ANO4: variants seen among roughly 807,000 people sequenced by gnomAD.
ANO4 encodes the protein anoctamin 4.
In ANO4, 69 loss-of-function variants were observed where a neutral mutation model predicts 141.9. The observed-to-expected ratio is 0.49, with a 90% CI of 0.40 to 0.59. The LOEUF (loss-of-function observed/expected upper bound fraction) is 0.59. Ranked by LOEUF, ANO4 falls within the 20% of genes least tolerant of loss-of-function variation. The pLI, the probability that ANO4 is intolerant of heterozygous loss-of-function variation, is 0.00. For missense variants in ANO4, 894 were observed against 1,162.2 expected (o/e 0.77, Z 3.36); for synonymous variants, 350 against 394.3 (o/e 0.89, Z 1.33).
intron 2 of ANO4, among the ~76,000 whole-genome samples, chr12:100,918,580 T>G (rs954008338): frequency 4.6e-5 from 7 of 152,284 alleles, no homozygotes; most frequent in African/African-American, 1.7e-4. Flanking sequence ...GCTGAAAAAT[T>G]CCTATCGCCT....
intron 1 of ANO4, among the ~76,000 whole-genome samples, chr12:100,717,890 T>C (rs1037857396): frequency 6.6e-6 from 1 of 152,136 alleles, no homozygotes; most frequent in East Asian, 1.9e-4. Context: ...AGTTGGGAGA[T>C]GTGCGTTCAG....
intron 2 of ANO4, among the ~76,000 whole-genome samples, chr12:100,917,419 A>G (rs1238511351): frequency 6.6e-6 from 1 of 152,212 alleles, no homozygotes; most frequent in Non-Finnish European, 1.5e-5. Context: ...ATCTGTGGCT[A>G]TGGCAAAGAA....
At position 100,770,781 on chromosome 12, in the gene ANO4, ATT is replaced by A. The variant is rs10652346; in HGVS notation, c.358+30695_358+30696del. Reference sequence around the variant, plus strand: ...CAGAGTGGAAGAGGCCTTGGCTTGAATTTTTTTTTTTTTTTTTTTTGCATTAC... The same window carrying A: ...CAGAGTGGAAGAGGCCTTGGCTTGAATTTTTTTTTTTTTTTTTTGCATTAC... On this transcript the variant is annotated intron_variant, in intron 3 of 29. Transcript: ENST00000644049. Among the ~76,000 whole-genome samples, 431 of 131,332 alleles carry A rather than the reference ATT, an allele frequency of 3.3e-3. 2 individuals carry two copies. Among genetic ancestry groups the A allele is most frequent in the African/African-American group, 0.011 (378 of 35,780 alleles). 86.2% of individuals were successfully genotyped at this position (131,332 alleles called of 152,430 possible). A position where few individuals can be genotyped will look rare whatever the true frequency, so the allele number is the denominator to read the frequency against.
At chr12:100,806,523 CGTTTTTTTTTTTT>C (rs2035042945) in intron 1 of ANO4, among the ~76,000 whole-genome samples, 20 of 44,978 alleles carry the variant, frequency 4.4e-4, no homozygotes, top group South Asian at 1.9e-3. Flanking sequence ...TTTTTTGTTT[CGTTTTTTTTTTTT>C]TTTTTTTTTT....
intron 1 of ANO4, among the ~76,000 whole-genome samples, chr12:100,877,824 C>T (rs2039390222): frequency 6.6e-6 from 1 of 152,012 alleles, no homozygotes; most frequent in Non-Finnish European, 1.5e-5. Flanking sequence ...GACTAGGGTT[C>T]AGAGAAGAAA....
At chr12:100,801,229 C>G (rs2034669456) in intron 1 of ANO4, among the ~76,000 whole-genome samples, 1 of 152,138 alleles carries the variant, frequency 6.6e-6, no homozygotes, top group Non-Finnish European at 1.5e-5. Context: ...CTTGAACAAA[C>G]AGATGGGAAT....
At chr12:100,760,333 A>G (rs2032797397) in intron 3 of ANO4, among the ~76,000 whole-genome samples, 1 of 152,214 alleles carries the variant, frequency 6.6e-6, no homozygotes, top group Non-Finnish European at 1.5e-5. Context: ...TTGACAGCCA[A>G]GAAAATAGAA....
chr12:100,975,425 TTC>T (rs2044127662), intron 7 of ANO4, among the ~76,000 whole-genome samples: 1 of 142,132 alleles, frequency 7.0e-6, no homozygotes, highest in South Asian at 2.4e-4. Context: ...CTTTCTTTCT[TTC>T]TTTTTTTTTT....
At chr12:100,969,264 A>T (rs918968323) in intron 5 of ANO4, among the ~76,000 whole-genome samples, 16 of 152,174 alleles carry the variant, frequency 1.1e-4, no homozygotes, top group African/African-American at 3.4e-4. Flanking sequence ...GAATAACAGA[A>T]ATATTCCTTG....
chr12:100,914,737 C>T (rs1015135350), intron 2 of ANO4, among the ~76,000 whole-genome samples: 1 of 152,154 alleles, frequency 6.6e-6, no homozygotes. Flanking sequence ...TTTCCTTTCT[C>T]TCTTCTTCAG....
chr12:101,012,979 C>G (rs922705498), intron 8 of ANO4, among the ~76,000 whole-genome samples: 1 of 151,990 alleles, frequency 6.6e-6, no homozygotes, highest in African/African-American at 2.4e-5. Context: ...ATTTTAGGTT[C>G]AAGGGTACAT....
chr12:100,761,692 G>A (rs1401971995), intron 3 of ANO4, among the ~76,000 whole-genome samples: 1 of 152,180 alleles, frequency 6.6e-6, no homozygotes, highest in African/African-American at 2.4e-5. Flanking sequence ...GGCACAGTGA[G>A]CCACTCTTAT....
rs908954074 is a variant in ANO4, at chr12:100,788,765, G to A, written c.358+48660G>A. On this transcript the variant is annotated intron_variant, in intron 3 of 29. Coordinates refer to the ANO4 transcript ENST00000644049. Reference sequence around the variant, plus strand: ...TGAGGGCTCAGTGAGGAGCACAGAAGAAACAGTCCTTGCCTGAGTGGAGCG... The same window carrying A: ...TGAGGGCTCAGTGAGGAGCACAGAAAAAACAGTCCTTGCCTGAGTGGAGCG... Among the ~76,000 whole-genome samples the A allele has an allele frequency of 3.3e-5, 5 of 152,022 alleles. No homozygotes were observed. The South Asian group carries it at 1.0e-3, about 32-fold the overall frequency.
intron 1 of ANO4, among the ~76,000 whole-genome samples, chr12:100,894,858 T>C (rs934064180): frequency 1.3e-5 from 2 of 148,696 alleles, no homozygotes; most frequent in South Asian, 2.1e-4. Context: ...CCCAGCTACT[T>C]GGGAGGCTGA....
chr12:100,986,654 G>A (rs898791559), intron 7 of ANO4, among the ~76,000 whole-genome samples: 3 of 152,096 alleles, frequency 2.0e-5, no homozygotes, highest in Non-Finnish European at 2.9e-5. Flanking sequence ...CAAATTCCAC[G>A]TGTTTTCAGT....
intron 18 of ANO4, 147 bp from the exon 19 acceptor site, chr12:101,096,389 C>A: frequency 3.2e-6 from 2 of 615,838 alleles, no homozygotes. Context: ...TCTGTTCCAC[C>A]ACACGCCATC....
intron 1 of ANO4, among the ~76,000 whole-genome samples, chr12:100,836,519 A>G (rs1347351159): frequency 3.3e-5 from 4 of 120,198 alleles, no homozygotes; most frequent in South Asian, 3.0e-4. Flanking sequence ...AGGCCCTGGT[A>G]TGTGATGTTC....
intron 6 of ANO4, 38 bp downstream of exon 6, chr12:100,971,444 C>T (rs2043932170): frequency 2.2e-6 from 3 of 1,394,480 alleles, no homozygotes; most frequent in Non-Finnish European, 3.0e-6. Context: ...CTCTCTGCTG[C>T]TTCACTGTAA....
intron 26 of ANO4, 82 bp from the exon 27 acceptor site, chr12:101,126,797 C>T: frequency 7.7e-7 from 1 of 1,305,008 alleles, no homozygotes; most frequent in Non-Finnish European, 1.1e-6. Context: ...CCCAGAGGGT[C>T]CACATCCTTC....
Sources: allele counts gnomAD v4.1 joint callset (sites outside exome capture counted in the v4.1 genomes callset), GRCh38; gene constraint gnomAD v4.1.1; transcripts MANE v1.5; gene names NCBI Gene and HGNC (gene_info 2026-07-23, HGNC 2026-07-21).